CDC14A: variants seen among roughly 807,000 people sequenced by gnomAD.
CDC14A encodes dual specificity protein phosphatase CDC14A.
A neutral mutation model predicts 74.4 loss-of-function variants in CDC14A; 53 were observed. The observed-to-expected ratio is 0.71, with a 90% CI of 0.57 to 0.89. The LOEUF is 0.89. Ranked by LOEUF, CDC14A falls within the 40% of genes least tolerant of loss-of-function variation. The pLI is 0.00. For missense variants in CDC14A, 646 were observed against 713.7 expected (o/e 0.91, Z 1.08); for synonymous variants, 247 against 258.4 (o/e 0.96, Z 0.43).
chr1:100,351,388 G>C (rs1306880550), upstream of CDC14A, among the ~76,000 whole-genome samples: 1 of 152,186 alleles, frequency 6.6e-6, no homozygotes, highest in Non-Finnish European at 1.5e-5. Context: ...CATGCTCTTC[G>C]GATAGTCGGT....
At chr1:100,504,324 T>A (rs1002030842) in intron 15 of CDC14A, among the ~76,000 whole-genome samples, 1 of 152,178 alleles carries the variant, frequency 6.6e-6, no homozygotes, top group Non-Finnish European at 1.5e-5. Flanking sequence ...TGCCATTGTC[T>A]CTTGGAATTT....
chr1:100,499,337 G>A (rs1253047028), intron 15 of CDC14A, 75 bp downstream of exon 15: 3 of 1,613,774 alleles, frequency 1.9e-6, no homozygotes, highest in Non-Finnish European at 2.5e-6. Context: ...CCCAGCCGAG[G>A]CTGCCACCAA....
chr1:100,416,136 T>G (rs1661505341), intron 4 of CDC14A, among the ~76,000 whole-genome samples: 1 of 152,194 alleles, frequency 6.6e-6, no homozygotes, highest in East Asian at 1.9e-4. Context: ...TTGCAGAGTT[T>G]TTTGCCTTGC....
Position 100,360,389 on chromosome 1 carries a change from A to G in CDC14A, c.140+6537A>G, listed in dbSNP as rs1428288099. Among the ~76,000 whole-genome samples the G allele has an allele frequency of 1.1e-4, 16 of 147,158 alleles. 1 individual carries two copies. The highest frequency in any genetic ancestry group is 1.1e-3 in the Admixed American group (16 of 14,784). On this transcript the variant is annotated intron_variant, in intron 2 of 15. Coordinates refer to ENST00000336454, the MANE Select transcript of CDC14A (RefSeq NM_003672.4). ...AACAGGGTCTTGCTCTGTCACCCAG[A>G]CTGGAGTGCAGTGGGGCAATCTCGG...
chr1:100,367,575 C>G (rs1187993829), intron 2 of CDC14A, among the ~76,000 whole-genome samples: 2 of 152,138 alleles, frequency 1.3e-5, no homozygotes, highest in Admixed American at 1.3e-4. Context: ...CATAAATAGT[C>G]TTACAAGTGT....
At chr1:100,452,524 G>T (rs918263628) in intron 7 of CDC14A, among the ~76,000 whole-genome samples, 1 of 152,016 alleles carries the variant, frequency 6.6e-6, no homozygotes, top group Non-Finnish European at 1.5e-5. Flanking sequence ...ATAAAAAAAA[G>T]GAATTGTAAA....
upstream of CDC14A, among the ~76,000 whole-genome samples, chr1:100,350,585 CAAG>C (rs146478127): frequency 0.019 from 2,862 of 152,224 alleles, 49 homozygotes; most frequent in Non-Finnish European, 0.034. Flanking sequence ...TGGAAAATAA[CAAG>C]AAGGTGTTCA....
At chr1:100,506,655 A>G (rs1056494580) in intron 15 of CDC14A, among the ~76,000 whole-genome samples, 1 of 152,248 alleles carries the variant, frequency 6.6e-6, no homozygotes, top group African/African-American at 2.4e-5. Flanking sequence ...ACTTGAAAAC[A>G]TAAAACTTGC....
chr1:100,378,137 T>C (rs989322201), intron 3 of CDC14A, among the ~76,000 whole-genome samples: 1 of 152,224 alleles, frequency 6.6e-6, no homozygotes, highest in Non-Finnish European at 1.5e-5. Context: ...CCTGAGATGA[T>C]AGAATTCTGG....
At chr1:100,429,461 G>A (rs2101094635) in intron 5 of CDC14A, among the ~76,000 whole-genome samples, 1 of 150,756 alleles carries the variant, frequency 6.6e-6, no homozygotes, top group African/African-American at 2.4e-5. Context: ...TGGAGAAGAG[G>A]CTAGAATTTA....
chr1:100,364,585 G>T (rs990436534), intron 2 of CDC14A, among the ~76,000 whole-genome samples: 1 of 152,132 alleles, frequency 6.6e-6, no homozygotes, highest in Non-Finnish European at 1.5e-5. Context: ...AAATCTGAGG[G>T]TTAGCCTTTT....
At chr1:100,439,004 T>A (rs1664630464) in intron 5 of CDC14A, among the ~76,000 whole-genome samples, 1 of 152,194 alleles carries the variant, frequency 6.6e-6, no homozygotes, top group Non-Finnish European at 1.5e-5. Flanking sequence ...GTTTCCTACC[T>A]CGGACACCTT....
At chr1:100,465,875 G>T (rs1182250790) in intron 9 of CDC14A, among the ~76,000 whole-genome samples, 3 of 152,194 alleles carry the variant, frequency 2.0e-5, no homozygotes, top group Non-Finnish European at 4.4e-5. Flanking sequence ...ATTGGTGTTT[G>T]ACTTGGTATA....
At chr1:100,429,472 C>T (rs1171637455) in intron 5 of CDC14A, among the ~76,000 whole-genome samples, 1 of 150,608 alleles carries the variant, frequency 6.6e-6, no homozygotes, top group Non-Finnish European at 1.5e-5. Context: ...CTAGAATTTA[C>T]AGGTGTTTCT....
At chr1:100,398,584 A>G (rs764314243) in intron 4 of CDC14A, among the ~76,000 whole-genome samples, 3 of 152,210 alleles carry the variant, frequency 2.0e-5, no homozygotes, top group Non-Finnish European at 4.4e-5. Context: ...TTTAGCTACT[A>G]TGAGCCCTTC....
upstream of CDC14A, chr1:100,351,911 TG>T (rs562612279): frequency 5.2e-5 from 54 of 1,043,936 alleles, no homozygotes; most frequent in Admixed American, 2.8e-4. Context: ...GTGTTGGGCG[TG>T]GGGGGTGGCT....
intron 2 of CDC14A, among the ~76,000 whole-genome samples, chr1:100,373,547 T>C (rs1329324580): frequency 6.6e-6 from 1 of 152,202 alleles, no homozygotes; most frequent in African/African-American, 2.4e-5. Context: ...GTTCTTCAAT[T>C]TGTAAAAAAA....
chr1:100,494,965 G>A (rs751753263), intron 12 of CDC14A, 35 bp downstream of exon 12: 2 of 1,089,914 alleles, frequency 1.8e-6, no homozygotes, highest in South Asian at 2.6e-5. Context: ...TTTATAGTGT[G>A]CTTCCCTTTG....
upstream of CDC14A, among the ~76,000 whole-genome samples, chr1:100,348,957 T>A (rs1650680158): frequency 6.6e-6 from 1 of 152,136 alleles, no homozygotes; most frequent in Non-Finnish European, 1.5e-5. Flanking sequence ...CACTTTGGGA[T>A]CCTGAGGCGG....
Sources: allele counts gnomAD v4.1 joint callset (sites outside exome capture counted in the v4.1 genomes callset), GRCh38; gene constraint gnomAD v4.1.1; transcripts MANE v1.5; gene names NCBI Gene and HGNC (gene_info 2026-07-23, HGNC 2026-07-21).